PIK3C2G: variants seen among roughly 807,000 people sequenced by gnomAD.
The protein encoded by PIK3C2G is phosphatidylinositol 3-kinase C2 domain-containing subunit gamma.
Under a neutral mutation model 181.1 loss-of-function variants are expected in PIK3C2G, and 168 were observed. The observed-to-expected ratio is 0.93, with a 90% CI of 0.82 to 1.05. The LOEUF (loss-of-function observed/expected upper bound fraction) is 1.05. Ranked by LOEUF, PIK3C2G falls within the 50% of genes least tolerant of loss-of-function variation. The probability of loss-of-function intolerance (pLI) is 0.00; values close to 1 mark genes in which losing one functional copy is unlikely to be tolerated. For synonymous variants in PIK3C2G, 573 were observed against 592.2 expected, an observed-to-expected ratio of 0.97 and a Z score of 0.47; for missense variants, 1,869 against 1,732.8, an observed-to-expected ratio of 1.08 and a Z score of -1.40.
intron 31 of PIK3C2G, among the ~76,000 whole-genome samples, chr12:18,611,685 C>G (rs1421020815): frequency 5.9e-5 from 9 of 152,084 alleles, no homozygotes; most frequent in Admixed American, 5.9e-4. Flanking sequence ...ATAGCACCTT[C>G]ATTCTCTAGT....
intron 18 of PIK3C2G, among the ~76,000 whole-genome samples, chr12:18,431,231 A>C (rs913532616): frequency 1.3e-5 from 2 of 152,324 alleles, no homozygotes; most frequent in South Asian, 2.1e-4. Flanking sequence ...TATGGGAATT[A>C]GTTTATCATT....
chr12:18,691,475 C>T, the PIK3C2G span, among the ~76,000 whole-genome samples: 3 of 152,002 alleles, frequency 2.0e-5, no homozygotes, highest in South Asian at 2.1e-4. Flanking sequence ...TAGTTTGAGA[C>T]AAGGTTTAAG....
intron 1 of PIK3C2G, among the ~76,000 whole-genome samples, chr12:18,279,379 T>C (rs1451970278): frequency 6.6e-6 from 1 of 151,968 alleles, no homozygotes; most frequent in Non-Finnish European, 1.5e-5. Flanking sequence ...ATGTTAGGTA[T>C]CGTTAACAAT....
the PIK3C2G span, chr12:18,688,295 G>A: frequency 2.7e-6 from 4 of 1,462,250 alleles, no homozygotes; most frequent in Non-Finnish European, 2.8e-6. Flanking sequence ...ATTAAGTTAT[G>A]TATTACAAAA....
the PIK3C2G span, chr12:18,719,397 T>G: frequency 7.9e-7 from 1 of 1,266,904 alleles, no homozygotes; most frequent in Non-Finnish European, 1.0e-6. Context: ...CCAAGTATTT[T>G]TAAATGTAAT....
intron 22 of PIK3C2G, among the ~76,000 whole-genome samples, chr12:18,498,308 T>G (rs1305474106): frequency 6.6e-6 from 1 of 152,202 alleles, no homozygotes; most frequent in Non-Finnish European, 1.5e-5. Context: ...ATAATTATAC[T>G]TATGCACATT....
At chr12:18,642,954 C>T (rs939633581) in intron 32 of PIK3C2G, among the ~76,000 whole-genome samples, 2 of 152,038 alleles carry the variant, frequency 1.3e-5, no homozygotes, top group African/African-American at 4.8e-5. Context: ...CACTTCCCAA[C>T]AATATATCAC....
chr12:18,497,993 T>C (rs1237255890), intron 22 of PIK3C2G, among the ~76,000 whole-genome samples: 4 of 152,292 alleles, frequency 2.6e-5, no homozygotes, highest in African/African-American at 9.6e-5. Flanking sequence ...TAACTGTGAT[T>C]TTATTTTATG....
At chr12:18,469,980 G>C (rs554525611) in intron 18 of PIK3C2G, among the ~76,000 whole-genome samples, 13 of 150,982 alleles carry the variant, frequency 8.6e-5, no homozygotes, top group Middle Eastern at 3.4e-3. Flanking sequence ...TTTGTCATAG[G>C]CTTTAGAGTC....
intron 8 of PIK3C2G, among the ~76,000 whole-genome samples, chr12:18,328,430 G>T (rs1158072669): frequency 6.6e-6 from 1 of 151,966 alleles, no homozygotes; most frequent in Non-Finnish European, 1.5e-5. Context: ...GACACATAGG[G>T]ATTTTATATT....
chr12:18,552,328 T>G (rs535027658), intron 26 of PIK3C2G, among the ~76,000 whole-genome samples: 3 of 152,150 alleles, frequency 2.0e-5, no homozygotes, highest in South Asian at 2.1e-4. Flanking sequence ...TTTTATATCT[T>G]TTTTCTCTTC....
At chr12:18,302,967 A>G (rs10770351) in intron 5 of PIK3C2G, among the ~76,000 whole-genome samples, 127,729 of 151,960 alleles carry the variant, frequency 0.84, 53,755 homozygotes, top group East Asian at 0.94. Context: ...GTTAGGCTTG[A>G]GCACGGGGTG....
chr12:18,328,673 A>C (rs1194933961), intron 8 of PIK3C2G, among the ~76,000 whole-genome samples: 1 of 152,022 alleles, frequency 6.6e-6, no homozygotes, highest in Non-Finnish European at 1.5e-5. Context: ...TAATAAATAT[A>C]ATATAATGAT....
At chr12:18,274,077 G>A (rs1192236696) in intron 1 of PIK3C2G, among the ~76,000 whole-genome samples, 1 of 152,174 alleles carries the variant, frequency 6.6e-6, no homozygotes, top group Non-Finnish European at 1.5e-5. Flanking sequence ...GGCCATCAGA[G>A]AAATGCAAAT....
chr12:18,722,812 T>C, the PIK3C2G span, among the ~76,000 whole-genome samples: 1 of 152,076 alleles, frequency 6.6e-6, no homozygotes, highest in Non-Finnish European at 1.5e-5. Flanking sequence ...TACGAAATGT[T>C]GTAGATAATT....
chr12:18,430,986 A>C (rs1946125665), intron 18 of PIK3C2G, among the ~76,000 whole-genome samples: 1 of 151,992 alleles, frequency 6.6e-6, no homozygotes, highest in East Asian at 1.9e-4. Context: ...TTTTATCTAA[A>C]ATTTTGGGGG....
intron 29 of PIK3C2G, among the ~76,000 whole-genome samples, chr12:18,573,803 C>T (rs1946097800): frequency 6.6e-6 from 1 of 152,144 alleles, no homozygotes; most frequent in South Asian, 2.1e-4. Flanking sequence ...CAGCCATTCT[C>T]TCATAGGTTG....
At chr12:18,513,735 T>C (rs545471850) in intron 24 of PIK3C2G, among the ~76,000 whole-genome samples, 1 of 151,946 alleles carries the variant, frequency 6.6e-6, no homozygotes, top group African/African-American at 2.4e-5. Flanking sequence ...TTGTAAACAG[T>C]TTATTACAAA....
At chr12:18,308,736 G>A (rs12316657) in intron 5 of PIK3C2G, among the ~76,000 whole-genome samples, 25,723 of 151,318 alleles carry the variant, frequency 0.17, 2,482 homozygotes, top group East Asian at 0.45. Context: ...TATTTACCAT[G>A]TTGGAAATTA....
Sources: allele counts gnomAD v4.1 joint callset (sites outside exome capture counted in the v4.1 genomes callset), GRCh38; gene constraint gnomAD v4.1.1; transcripts MANE v1.5; gene names NCBI Gene and HGNC (gene_info 2026-07-23, HGNC 2026-07-21).